Variants in SIMC1 observed in about 807,000 individuals in gnomAD.
SIMC1 encodes the protein SUMO interacting motifs containing 1.
A neutral mutation model predicts 82.3 loss-of-function variants in SIMC1; 55 were observed. That is an observed-to-expected ratio of 0.67 (90% CI 0.54 to 0.84). The LOEUF is 0.84. Ranked by LOEUF, SIMC1 falls within the 40% of genes least tolerant of loss-of-function variation. SIMC1 has a pLI of 0.00. For synonymous variants in SIMC1, 353 were observed against 426.3 expected (o/e 0.83, Z 2.12); for missense variants, 915 against 1,107.2 (o/e 0.83, Z 2.46).
At chr5:176,304,864 T>C (rs1025248218) in intron 4 of SIMC1, among the ~76,000 whole-genome samples, 2 of 148,948 alleles carry the variant, frequency 1.3e-5, no homozygotes, top group South Asian at 4.3e-4. Flanking sequence ...GAGGAGCGCC[T>C]CTGCCTGGCC....
chr5:176,323,831 A>G (rs1765260429), intron 6 of SIMC1, among the ~76,000 whole-genome samples: 1 of 151,944 alleles, frequency 6.6e-6, no homozygotes, highest in Non-Finnish European at 1.5e-5. Flanking sequence ...CTAAAAAAAT[A>G]CAAAAAAATA....
chr5:176,314,271 ATAAT>A (rs147258589), intron 5 of SIMC1, among the ~76,000 whole-genome samples: 2,785 of 152,286 alleles, frequency 0.018, 38 homozygotes, highest in Middle Eastern at 0.027. Context: ...CATCTCAAAA[ATAAT>A]TAATTAATTT....
chr5:176,308,324 G>C, intron 4 of SIMC1: 1 of 1,485,538 alleles, frequency 6.7e-7, no homozygotes, highest in African/African-American at 1.4e-5. Flanking sequence ...ATAAGAGGAA[G>C]GACCAAGTAG....
intron 8 of SIMC1, 62 bp downstream of exon 8, chr5:176,336,938 C>G (rs1163481128): frequency 6.2e-7 from 1 of 1,603,886 alleles, no homozygotes; most frequent in Non-Finnish European, 8.5e-7. Flanking sequence ...GGCCCGAACC[C>G]TTCCCATAGG....
chr5:176,246,590 A>T (rs1388632683), intron 1 of SIMC1, among the ~76,000 whole-genome samples: 1 of 151,956 alleles, frequency 6.6e-6, no homozygotes, highest in African/African-American at 2.4e-5. Context: ...GGCAAGCGCC[A>T]CCATGCCTAG....
At chr5:176,262,378 C>T (rs1284615433) in intron 1 of SIMC1, among the ~76,000 whole-genome samples, 1 of 151,728 alleles carries the variant, frequency 6.6e-6, no homozygotes, top group African/African-American at 2.4e-5. Flanking sequence ...CCACTAATAT[C>T]ATACCTAATG....
At chr5:176,252,038 G>A (rs902854193) in intron 1 of SIMC1, among the ~76,000 whole-genome samples, 10 of 152,014 alleles carry the variant, frequency 6.6e-5, no homozygotes, top group South Asian at 2.1e-4. Flanking sequence ...ACCTTTCCCC[G>A]CTTTCTATTC....
chr5:176,309,471 A>G (rs989892638), intron 4 of SIMC1, among the ~76,000 whole-genome samples: 3 of 152,242 alleles, frequency 2.0e-5, no homozygotes, highest in African/African-American at 7.2e-5. Context: ...CTAGGTGACA[A>G]GTTCTTGGAC....
In SIMC1 at chr5:176,313,736, C is replaced by T; in HGVS notation, c.1780C>T (p.Gln594Ter). ...AGTCCTTTTCCTGCGTTATGTCGTT[C>T]AGACCCTAGAAGATGACTTTCAGCA... ...GRVLFLRYVVQTLEDDFQQTL... is the reference protein window; with the variant it reads ...GRVLFLRYVV The change falls in exon 5 of 10, where the codon CAG becomes TAG. Residue 594 changes from glutamine (Q) to a stop codon, truncating the protein, a stop_gained. Coordinates refer to ENST00000429602, the MANE Select transcript of SIMC1 (RefSeq NM_001308195.2). LOFTEE classifies it high-confidence loss of function. The T allele has an allele frequency of 6.2e-7, 1 of 1,613,954 alleles. No individual in the cohort carries two copies. Among genetic ancestry groups the T allele is most frequent in the Non-Finnish European group, 8.5e-7 (1 of 1,179,868 alleles).
chr5:176,251,647 C>T (rs1232055979), intron 1 of SIMC1, among the ~76,000 whole-genome samples: 1 of 150,246 alleles, frequency 6.7e-6, no homozygotes, highest in Non-Finnish European at 1.5e-5. Context: ...TTGGCAGGGT[C>T]ATAGGACAAT....
rs879512481 is a variant in SIMC1 at position 176,285,630 on chromosome 5, C to G, written c.130-4024C>G. 5.3e-3 allele frequency among the ~76,000 whole-genome samples: 810 copies of G among 151,530 alleles called. 4 individuals are homozygous for G. Among genetic ancestry groups the G allele is most frequent in the Non-Finnish European group, 8.6e-3 (580 of 67,586 alleles). On this transcript the variant is annotated intron_variant, in intron 1 of 9. Transcript: ENST00000429602. ...CCTATTCAACATAGTGTTGGAAGTTCTGGCCAGGGCAATTAGGCAGGAGAA... is the reference window on the plus strand; with the variant it reads ...CCTATTCAACATAGTGTTGGAAGTTGTGGCCAGGGCAATTAGGCAGGAGAA...
intron 1 of SIMC1, among the ~76,000 whole-genome samples, chr5:176,282,761 A>G (rs992316339): frequency 6.6e-6 from 1 of 152,246 alleles, no homozygotes; most frequent in African/African-American, 2.4e-5. Flanking sequence ...ATCGCAAAGA[A>G]GCTAAAAACC....
intron 6 of SIMC1, among the ~76,000 whole-genome samples, chr5:176,323,053 T>A (rs577595407): frequency 7.2e-5 from 11 of 152,204 alleles, no homozygotes; most frequent in Non-Finnish European, 1.6e-4. Context: ...GAAAAGCCAG[T>A]CACACTGGGC....
In SIMC1 at chr5:176,290,458, C is replaced by T. The variant is rs374697206; in HGVS notation, c.934C>T (p.Pro312Ser). 5.0e-6 allele frequency: 8 copies of T among 1,613,744 alleles called. No homozygotes were observed. The highest frequency in any genetic ancestry group is 1.6e-4 in the Middle Eastern group (1 of 6,084). Reference sequence around the variant, plus strand: ...ATACCTGCAAGACATGCCACGGTCACCAGGAGATGTGCCACAGTCACCAAG... The same window carrying T: ...ATACCTGCAAGACATGCCACGGTCATCAGGAGATGTGCCACAGTCACCAAG... ...VAYLQDMPRS[P>S]GDVPQSPSDV... is the part of the protein sequence containing the mutation. The change falls in exon 2 of 10, where the codon CCA becomes TCA. Residue 312 changes from proline (P) to serine (S), a missense_variant. By Grantham distance (74) the Pro-to-Ser change is moderately conservative. This residue lies in a region of SIMC1 where 902 missense variants were observed against 1,040.3 expected (regional missense o/e 0.87). Transcript: ENST00000429602.
At chr5:176,328,826 G>A (rs1765504386) in intron 7 of SIMC1, among the ~76,000 whole-genome samples, 1 of 152,138 alleles carries the variant, frequency 6.6e-6, no homozygotes, top group Non-Finnish European at 1.5e-5. Flanking sequence ...TATGAGGCTG[G>A]CCTGGGCAAC....
chr5:176,314,588 A>G (rs973948836), intron 5 of SIMC1, among the ~76,000 whole-genome samples: 2 of 152,238 alleles, frequency 1.3e-5, no homozygotes, highest in African/African-American at 4.8e-5. Flanking sequence ...AGCTGACAGT[A>G]AGGTACATTA....
At chr5:176,262,264 T>C (rs2560150) in intron 1 of SIMC1, among the ~76,000 whole-genome samples, 1 of 129,332 alleles carries the variant, frequency 7.7e-6, no homozygotes, top group Non-Finnish European at 1.6e-5. Context: ...AAGCATTTAA[T>C]ACCCATTCAT....
chr5:176,260,613 G>A (rs201351866), intron 1 of SIMC1, among the ~76,000 whole-genome samples: 4 of 151,446 alleles, frequency 2.6e-5, no homozygotes, highest in Non-Finnish European at 5.9e-5. Context: ...GTTAAAAAAG[G>A]AAAAAAAATG....
chr5:176,326,340 A>G (rs1269710514), intron 7 of SIMC1, among the ~76,000 whole-genome samples: 5 of 151,808 alleles, frequency 3.3e-5, no homozygotes, highest in African/African-American at 4.8e-5. Flanking sequence ...AGTCCCTACA[A>G]TGTGCCAGCC....
Sources: allele counts gnomAD v4.1 joint callset (sites outside exome capture counted in the v4.1 genomes callset), GRCh38; gene constraint gnomAD v4.1.1; regional missense constraint gnomAD v4.1.1; transcripts MANE v1.5; gene names NCBI Gene and HGNC (gene_info 2026-07-23, HGNC 2026-07-21).